Variants in DIDO1 observed in about 807,000 individuals in gnomAD.
The protein encoded by DIDO1 is death inducer-obliterator 1, also known as death-inducer obliterator 1.
Under a neutral mutation model 99.4 loss-of-function variants are expected in DIDO1, and 16 were observed. The observed-to-expected ratio is 0.16, with a 90% CI of 0.11 to 0.24. The LOEUF (loss-of-function observed/expected upper bound fraction) is 0.24, where lower values mean the gene tolerates loss of function less well. Among genes scored for constraint, DIDO1 ranks in the 10% least tolerant of loss-of-function variants. The pLI is 1.00. For synonymous variants in DIDO1, 1,366 were observed against 1,239.1 expected, an observed-to-expected ratio of 1.10 and a Z score of -2.15; for missense variants, 2,996 against 3,014.0, an observed-to-expected ratio of 0.99 and a Z score of 0.14.
At chr20:62,903,082 A>T (rs2064719310) in intron 6 of DIDO1, among the ~76,000 whole-genome samples, 1 of 152,270 alleles carries the variant, frequency 6.6e-6, no homozygotes, top group Non-Finnish European at 1.5e-5. Flanking sequence ...ATAAAACCAC[A>T]AAAGAAACAT....
chr20:62,906,227 C>T (rs527510267), intron 5 of DIDO1, 127 bp from the exon 6 acceptor site: 1 of 1,250,044 alleles, frequency 8.0e-7, no homozygotes, highest in African/African-American at 1.5e-5. Context: ...TGCACCCATC[C>T]TGCGCCTGCT....
At position 62,879,299 on chromosome 20, in the gene DIDO1, C is replaced by T. The variant is rs375760967; in HGVS notation, c.6657G>A (p.Glu2219=). 1 of 1,579,542 alleles carries T rather than the reference C, an allele frequency of 6.3e-7. No individual in the cohort carries two copies. The highest frequency in any genetic ancestry group is 8.6e-7 in the Non-Finnish European group (1 of 1,165,208). ...RDRKDRSKSK[E]SARDPKPEAS... ...CCTCGGGCTTCGGGTCCCGAGCGCT[C>T]TCTTTGCTCTTGCTCCGGTCCTTGC... The change falls in exon 16 of 16, where the codon GAG becomes GAA. Residue 2219 remains glutamate (E), a synonymous_variant. Transcript: ENST00000395343. This position sits in a 1 kb window ranked among gnomAD's most constrained non-coding sequence, Gnocchi z 6.3.
At position 62,894,622 on chromosome 20, in the gene DIDO1, A is replaced by G; in HGVS notation, c.2437-74T>C. ...AGCTCCAAATTAACCACACACAAGA[A>G]AAGCAGTCTCATGGGATTGAGACCC... On this transcript the variant is annotated intron_variant, in intron 10 of 15. Transcript: ENST00000395343. The surrounding 1 kb of genome is among the most constrained non-coding windows in gnomAD (Gnocchi z 4.4). The G allele has an allele frequency of 6.4e-7, 1 of 1,561,230 alleles. No homozygotes were observed. The highest frequency in any genetic ancestry group is 1.9e-5 in the Admixed American group (1 of 53,816).
chr20:62,911,031 C>T lies in DIDO1; in HGVS notation c.582G>A (p.Glu194=), dbSNP rs757609830. ...IQSRLRKKRR[E]EGPAETVGSE... is the part of the protein sequence containing the mutation. ...AGCCCACAGTCTCGGCGGGACCCTC[C>T]TCCCGGCGCTTCTTCCGCAGGCGAC... is the stretch of plus-strand genomic sequence containing the variant. The change falls in exon 3 of 16, where the codon GAG becomes GAA. Residue 194 remains glutamate, a synonymous_variant. Transcript: ENST00000395343. This position sits in a 1 kb window ranked among gnomAD's most constrained non-coding sequence, Gnocchi z 7.0. 1 of 1,613,868 alleles carries T rather than the reference C, an allele frequency of 6.2e-7. No homozygotes were observed. Among genetic ancestry groups the T allele is most frequent in the Non-Finnish European group, 8.5e-7 (1 of 1,180,036 alleles).
Position 62,910,810 on chromosome 20 carries a change from G to A in DIDO1, c.803C>T (p.Ala268Val), listed in dbSNP as rs942514187. Reference sequence around the variant, plus strand: ...AGGCTGGCGGCAAATGCAATACAGGGCGTTGGGGTCGTAACCCTCACATTC... The same window carrying A: ...AGGCTGGCGGCAAATGCAATACAGGACGTTGGGGTCGTAACCCTCACATTC... The part of the protein sequence containing the change: ...KPECEGYDPN[A>V]LYCICRQPHN... The change falls in exon 3 of 16, where the codon GCC (alanine) becomes GTC (valine). Residue 268 changes from alanine to valine, a missense_variant. Transcript: ENST00000395343. 5.6e-6 allele frequency: 9 copies of A among 1,614,082 alleles called. No individual in the cohort carries two copies. In the African/African-American group the frequency reaches 8.0e-5, roughly 14 times the overall value.
At chr20:62,890,892 G>A (rs757525229) in intron 15 of DIDO1, 68 bp downstream of exon 15, 1 of 1,611,832 alleles carries the variant, frequency 6.2e-7, no homozygotes, top group South Asian at 1.1e-5. Context: ...ACTCAGCAGG[G>A]CATGTCAGTG....
intron 4 of DIDO1, among the ~76,000 whole-genome samples, chr20:62,908,953 G>A (rs968354790): frequency 1.3e-5 from 2 of 152,270 alleles, no homozygotes; most frequent in African/African-American, 2.4e-5. Context: ...TGAATGCCCA[G>A]ATGTGGCCTC....
Position 62,935,438 on chromosome 20 carries a change from C to G in DIDO1, c.-200+2358G>C, listed in dbSNP as rs997691180. 2.6e-5 allele frequency among the ~76,000 whole-genome samples: 4 copies of G among 152,142 alleles called. No homozygotes were observed. In the South Asian group the frequency reaches 8.3e-4, roughly 32 times the overall value. On this transcript the variant is annotated intron_variant, in intron 1 of 15. Transcript: ENST00000266070. ...TCCCATCAGACAGCAACCACACGGACCGTGTGCTAAGAGCTACGAAGAGCT... is the reference window on the plus strand; with the variant it reads ...TCCCATCAGACAGCAACCACACGGAGCGTGTGCTAAGAGCTACGAAGAGCT...
In DIDO1 at chr20:62,896,352, C is replaced by T; in HGVS notation, c.2095G>A (p.Val699Ile). 1 of 1,614,074 alleles carries T rather than the reference C, an allele frequency of 6.2e-7. No homozygotes were observed. Among genetic ancestry groups the T allele is most frequent in the Non-Finnish European group, 8.5e-7 (1 of 1,180,008 alleles). ...TCAATATGGAGGGCAATTTTTCCTA[C>T]TTCGTTTTCTGTCATGATTAAGTCA... ...SDDLIMTENEVGKIALHIEKE... is the reference protein window; with the variant it reads ...SDDLIMTENEIGKIALHIEKE... Residue 699 changes from valine (V) to isoleucine (I), a missense_variant, in exon 8 of 16, where the codon GTA (valine) becomes ATA (isoleucine). Val to Ile is a conservative substitution (Grantham distance 29). This residue lies in a region of DIDO1 where 898 missense variants were observed against 972.7 expected (regional missense o/e 0.92). Transcript: ENST00000395343. This position sits in a 1 kb window ranked among gnomAD's most constrained non-coding sequence, Gnocchi z 4.4.
intron 1 of DIDO1, among the ~76,000 whole-genome samples, chr20:62,923,201 A>T (rs531717133): frequency 6.6e-6 from 1 of 151,724 alleles, no homozygotes; most frequent in South Asian, 2.1e-4. Context: ...TTTTTGAGAC[A>T]GAGTCTCACT....
At position 62,922,129 on chromosome 20, in the gene DIDO1, T is replaced by C. The variant is rs1480357494; in HGVS notation, c.-200+4310A>G. On this transcript the variant is annotated intron_variant, in intron 1 of 15. Transcript: ENST00000395343. ...ATATATACACACACACACACACATA[T>C]ATACATATATACACACACACACACA... is the stretch of plus-strand genomic sequence containing the variant. Among the ~76,000 whole-genome samples the C allele has an allele frequency of 1.2e-3, 158 of 128,540 alleles. 1 individual carries two copies. Among genetic ancestry groups the C allele is most frequent in the Non-Finnish European group, 2.1e-3 (122 of 58,196 alleles). 84.3% of individuals were successfully genotyped at this position (128,540 alleles called of 152,430 possible). A position where few individuals can be genotyped will look rare whatever the true frequency, so the allele number is the denominator to read the frequency against.
Position 62,909,686 on chromosome 20 carries a change from GACAA to G in DIDO1, c.1161+9_1161+12del, listed in dbSNP as rs1343827016. Reference sequence around the variant, plus strand: ...CGACTGCTGAATGCTCGTCTCAGCGGACAAACACTTACAGGCTGGAAGATCTTGA... The same window carrying G: ...CGACTGCTGAATGCTCGTCTCAGCGGACACTTACAGGCTGGAAGATCTTGA... On this transcript the variant is annotated intron_variant, in intron 4 of 15. Transcript: ENST00000395343. 1.2e-6 allele frequency: 2 copies of G among 1,611,172 alleles called. No individual in the cohort carries two copies. The highest frequency in any genetic ancestry group is 2.2e-5 in the East Asian group (1 of 44,848).
At chr20:62,922,797 C>T (rs954741391) in intron 1 of DIDO1, among the ~76,000 whole-genome samples, 1 of 152,150 alleles carries the variant, frequency 6.6e-6, no homozygotes. Flanking sequence ...TGCCAACAGC[C>T]CTTTATGGGC....
At chr20:62,901,384 C>A (rs1196639659) in intron 6 of DIDO1, among the ~76,000 whole-genome samples, 1 of 152,224 alleles carries the variant, frequency 6.6e-6, no homozygotes. Flanking sequence ...GGACGTTCCA[C>A]TCAACTGCAA....
At position 62,909,791 on chromosome 20, in the gene DIDO1, C is replaced by G; in HGVS notation, c.1069G>C (p.Glu357Gln). 1 of 1,614,260 alleles carries G rather than the reference C, an allele frequency of 6.2e-7. No homozygotes were observed. Among genetic ancestry groups the G allele is most frequent in the Non-Finnish European group, 8.5e-7 (1 of 1,180,042 alleles). The part of the protein sequence containing the change: ...GTDCTSIGTI[E>Q]QKSSEDQGIK... The stretch of plus-strand genomic sequence containing the variant: ...CCTTGGTCTTCGCTAGACTTCTGCT[C>G]TATTGTTCCTATACTTGTACAATCG... Residue 357 changes from glutamate to glutamine, a missense_variant, in exon 4 of 16, where the codon GAG becomes CAG. Transcript: ENST00000395343.
rs373941307 is a variant in DIDO1 at position 62,915,355 on chromosome 20, C to T, written c.-199-949G>A. 8.5e-5 allele frequency among the ~76,000 whole-genome samples: 13 copies of T among 152,312 alleles called. No individual in the cohort carries two copies. In the East Asian group the frequency reaches 1.9e-3, roughly 23 times the overall value. Reference sequence around the variant, plus strand: ...TTCCCTCTGATAAGCCAAACGGCATCGTCATAGTCACCATCTCTTCAATGT... The same window carrying T: ...TTCCCTCTGATAAGCCAAACGGCATTGTCATAGTCACCATCTCTTCAATGT... On this transcript the variant is annotated intron_variant, in intron 1 of 15. Coordinates refer to ENST00000395343, the MANE Select transcript of DIDO1 (RefSeq NM_001193369.2).
chr20:62,912,819 G>A (rs986930814), intron 2 of DIDO1, among the ~76,000 whole-genome samples: 1 of 152,194 alleles, frequency 6.6e-6, no homozygotes, highest in African/African-American at 2.4e-5. Flanking sequence ...ACCACTTGAG[G>A]TTAGGAGTTC....
Position 62,881,357 on chromosome 20 carries a change from C to G in DIDO1, c.4599G>C (p.Glu1533Asp). The change falls in exon 16 of 16, where the codon GAG becomes GAC. Residue 1533 changes from glutamate (E) to aspartate (D), a missense_variant. Glu to Asp is a conservative substitution (Grantham distance 45). Transcript: ENST00000395343. This position sits in a 1 kb window ranked among gnomAD's most constrained non-coding sequence, Gnocchi z 8.3. ...PPPKSSLPKA[E>D]LFQQEQQSAD... ...CAGACTGCTGCTCTTGCTGGAACAG[C>G]TCTGCCTTGGGCAAGGACGACTTTG... 1 of 1,605,958 alleles carries G rather than the reference C, an allele frequency of 6.2e-7. No homozygotes were observed. The highest frequency in any genetic ancestry group is 8.5e-7 in the Non-Finnish European group (1 of 1,179,840).
rs1199257487 is a variant in DIDO1, at chr20:62,882,147, G to A, written c.3809C>T (p.Pro1270Leu). The A allele has an allele frequency of 6.2e-7, 1 of 1,613,092 alleles. No individual in the cohort carries two copies. Among genetic ancestry groups the A allele is most frequent in the Non-Finnish European group, 8.5e-7 (1 of 1,180,034 alleles). ...GGATGACAGCACTTTTAGCACCGGT[G>A]GTTCTGGAAGAGGGGGCGGAGGCGG... is the stretch of plus-strand genomic sequence containing the variant. ...SPPPPPPLPEPPVLKVLSSLK... is the reference protein window; with the variant it reads ...SPPPPPPLPELPVLKVLSSLK... The change falls in exon 16 of 16, where the codon CCA (proline) becomes CTA (leucine). Residue 1270 changes from proline to leucine, a missense_variant. Transcript: ENST00000395343.
Sources: gnomAD v4.1 joint callset for allele counts (sites outside exome capture counted in the v4.1 genomes callset) on GRCh38, gnomAD v4.1.1 for gene constraint, gnomAD v4.1.1 regional missense constraint, Gnocchi (gnomAD v3.1) non-coding constraint, MANE v1.5 for transcripts, NCBI Gene and HGNC (gene_info 2026-07-23, HGNC 2026-07-21) for gene names.